PTPRD: variants seen among roughly 807,000 people sequenced by gnomAD.
PTPRD encodes the protein receptor-type tyrosine-protein phosphatase delta.
Under a neutral mutation model 214.5 loss-of-function variants are expected in PTPRD, and 34 were observed. That is an observed-to-expected ratio of 0.16 (90% CI 0.12 to 0.21). The LOEUF (loss-of-function observed/expected upper bound fraction) is 0.21, where lower values mean the gene tolerates loss of function less well. PTPRD is among the 10% of genes least tolerant of loss of function. The probability of loss-of-function intolerance (pLI) is 1.00; values close to 1 mark genes in which losing one functional copy is unlikely to be tolerated. For synonymous variants in PTPRD, 1,128 were observed against 845.7 expected (o/e 1.33, Z -5.79); for missense variants, 2,545 against 2,398.7 (o/e 1.06, Z -1.27).
At chr9:8,516,798 CTTTTTT>C (rs71500960) in intron 21 of PTPRD, among the ~76,000 whole-genome samples, 1 of 107,892 alleles carries the variant, frequency 9.3e-6, no homozygotes, top group East Asian at 3.1e-4. Context: ...CAAGAATAAA[CTTTTTT>C]TTTTTTTTTT....
intron 8 of PTPRD, among the ~76,000 whole-genome samples, chr9:9,491,083 T>C (rs2095873563): frequency 6.6e-6 from 1 of 151,806 alleles, no homozygotes; most frequent in Admixed American, 6.6e-5. Context: ...CACAAACAAG[T>C]TGAAAGTTAA....
At chr9:10,280,238 A>T (rs1323954609) in intron 3 of PTPRD, among the ~76,000 whole-genome samples, 2 of 152,138 alleles carry the variant, frequency 1.3e-5, no homozygotes, top group Non-Finnish European at 2.9e-5. Flanking sequence ...AATAAAGAGT[A>T]ATGTAGTTAA....
intron 3 of PTPRD, among the ~76,000 whole-genome samples, chr9:10,081,377 C>A (rs1206200049): frequency 6.6e-6 from 1 of 151,956 alleles, no homozygotes; most frequent in East Asian, 1.9e-4. Context: ...CTTGTATCCC[C>A]TCCAATTTTG....
chr9:8,752,599 C>A (rs2093634930), intron 11 of PTPRD, among the ~76,000 whole-genome samples: 3 of 152,318 alleles, frequency 2.0e-5, no homozygotes, highest in African/African-American at 7.2e-5. Flanking sequence ...AGAACCCTCT[C>A]TTGGGGTCTG....
At chr9:8,474,215 G>A (rs564294660) in intron 30 of PTPRD, among the ~76,000 whole-genome samples, 1 of 152,106 alleles carries the variant, frequency 6.6e-6, no homozygotes, top group South Asian at 2.1e-4. Flanking sequence ...CTTTTTTGAA[G>A]TTCATGCAAT....
At chr9:8,823,612 C>T (rs2097116904) in intron 11 of PTPRD, among the ~76,000 whole-genome samples, 1 of 151,528 alleles carries the variant, frequency 6.6e-6, no homozygotes, top group Non-Finnish European at 1.5e-5. Flanking sequence ...GATCACACCA[C>T]TGCACTCCAG....
chr9:9,895,894 A>C (rs2074829228), intron 5 of PTPRD, among the ~76,000 whole-genome samples: 1 of 151,946 alleles, frequency 6.6e-6, no homozygotes, highest in Non-Finnish European at 1.5e-5. Flanking sequence ...GTGATGAATA[A>C]AGTCATTTTT....
chr9:10,537,856 C>T (rs964488484), intron 2 of PTPRD, among the ~76,000 whole-genome samples: 1 of 152,104 alleles, frequency 6.6e-6, no homozygotes, highest in South Asian at 2.1e-4. Context: ...AAGATGGTTG[C>T]CAGATCAGCA....
chr9:9,655,861 C>T (rs188952470), intron 7 of PTPRD, among the ~76,000 whole-genome samples: 3 of 151,892 alleles, frequency 2.0e-5, no homozygotes, highest in East Asian at 1.9e-4. Context: ...GCCTGTAATC[C>T]GAGATACTCA....
chr9:10,258,993 G>T (rs999803440), intron 3 of PTPRD, among the ~76,000 whole-genome samples: 1 of 151,956 alleles, frequency 6.6e-6, no homozygotes, highest in Non-Finnish European at 1.5e-5. Context: ...TGTTGTTGTT[G>T]TTGTTTGTTT....
At chr9:9,862,883 T>C (rs963235335) in intron 5 of PTPRD, among the ~76,000 whole-genome samples, 1 of 152,208 alleles carries the variant, frequency 6.6e-6, no homozygotes, top group African/African-American at 2.4e-5. Flanking sequence ...TTTTCTGTTA[T>C]GTTTTAGTAG....
At chr9:9,484,897 G>A (rs769376487) in intron 8 of PTPRD, among the ~76,000 whole-genome samples, 43 of 152,098 alleles carry the variant, frequency 2.8e-4, no homozygotes, top group Non-Finnish European at 5.0e-4. Context: ...CTTCTACAGA[G>A]AAAATGAGTT....
chr9:9,835,175 T>A (rs1329716118), intron 5 of PTPRD, among the ~76,000 whole-genome samples: 1 of 152,122 alleles, frequency 6.6e-6, no homozygotes, highest in Non-Finnish European at 1.5e-5. Flanking sequence ...AAAATACAAG[T>A]ATCTGCAATT....
intron 9 of PTPRD, among the ~76,000 whole-genome samples, chr9:9,304,814 T>C (rs1006959533): frequency 1.3e-5 from 2 of 151,170 alleles, no homozygotes; most frequent in Non-Finnish European, 2.9e-5. Context: ...CATTCACAGG[T>C]TTCTGTTTAA....
intron 33 of PTPRD, chr9:8,460,128 T>G (rs201656761): frequency 5.4e-6 from 2 of 368,026 alleles, no homozygotes; most frequent in East Asian, 5.2e-5. Flanking sequence ...ATGCCTCAAT[T>G]GTTATGAAAA....
chr9:8,682,870 AGTT>A (rs750250105), intron 12 of PTPRD, among the ~76,000 whole-genome samples: 15 of 151,968 alleles, frequency 9.9e-5, no homozygotes, highest in East Asian at 5.8e-4. Context: ...TTCCTTTCTG[AGTT>A]GTTGTTTATT....
intron 2 of PTPRD, among the ~76,000 whole-genome samples, chr9:10,449,140 CCTGA>C (rs1301752220): frequency 6.6e-6 from 1 of 151,768 alleles, no homozygotes; most frequent in East Asian, 1.9e-4. Context: ...AACCTCCCTG[CCTGA>C]TTCTCCTGCC....
chr9:8,928,171 T>C (rs561009347), intron 11 of PTPRD, among the ~76,000 whole-genome samples: 1 of 152,196 alleles, frequency 6.6e-6, no homozygotes, highest in Admixed American at 6.5e-5. Flanking sequence ...ACTCTGACGA[T>C]AGTTTCTTTT....
intron 5 of PTPRD, among the ~76,000 whole-genome samples, chr9:9,842,739 T>C (rs1369109103): frequency 1.3e-5 from 2 of 151,848 alleles, no homozygotes; most frequent in Non-Finnish European, 2.9e-5. Flanking sequence ...GATTCATCAG[T>C]GTTGTGCTTC....
Sources: allele counts gnomAD v4.1 joint callset (sites outside exome capture counted in the v4.1 genomes callset), GRCh38; gene constraint gnomAD v4.1.1; transcripts MANE v1.5; gene names NCBI Gene and HGNC (gene_info 2026-07-23, HGNC 2026-07-21).